The following POR variants were observed in gnomAD, a reference collection of about 807,000 sequenced individuals.
The protein encoded by POR is cytochrome p450 oxidoreductase, also known as NADPH--cytochrome P450 reductase.
Under a neutral mutation model 84.0 loss-of-function variants are expected in POR, and 56 were observed. The observed-to-expected ratio is 0.67, with a 90% CI of 0.54 to 0.83. The LOEUF (loss-of-function observed/expected upper bound fraction) is 0.83. Ranked by LOEUF, POR falls within the 40% of genes least tolerant of loss-of-function variation. The probability of loss-of-function intolerance (pLI) is 0.00; values close to 1 mark genes in which losing one functional copy is unlikely to be tolerated. For synonymous variants in POR, 414 were observed against 400.5 expected (o/e 1.03, Z -0.40); for missense variants, 938 against 944.3 (o/e 0.99, Z 0.09).
chr7:75,937,455 G>T (rs2116318143), intron 1 of POR, among the ~76,000 whole-genome samples: 1 of 107,424 alleles, frequency 9.3e-6, no homozygotes, highest in East Asian at 3.2e-4. Flanking sequence ...CTGGGGACAA[G>T]AGCCAGACCC....
At chr7:75,917,380 C>CTTTTTTTTTTTTTTTTTTTTTTT (rs199962786) in intron 1 of POR, among the ~76,000 whole-genome samples, 1 of 125,986 alleles carries the variant, frequency 7.9e-6, no homozygotes, top group Non-Finnish European at 1.6e-5. Flanking sequence ...CTTATTTCTT[C>CTTTTTTTTTTTTTTTTTTTTTTT]TTCTTTTTTT....
chr7:75,976,683 G>A (rs1788709415), intron 3 of POR, among the ~76,000 whole-genome samples: 1 of 151,370 alleles, frequency 6.6e-6, no homozygotes, highest in African/African-American at 2.4e-5. Flanking sequence ...GGAGGCAGAG[G>A]TTTCAGTGAG....
intron 1 of POR, among the ~76,000 whole-genome samples, chr7:75,928,349 C>T (rs1807251018): frequency 6.6e-6 from 1 of 152,192 alleles, no homozygotes; most frequent in African/African-American, 2.4e-5. Context: ...GCCTCCAGTT[C>T]CCTGTCATCT....
rs782378740 is a variant in POR at position 75,986,754 on chromosome 7, T to C, written c.*273T>C. ...CTCGGTGGCTGCACAGAAGGGCTCT[T>C]TCTCTCTGCTGAGCTGGGCCCAGCC... On this transcript the variant is annotated 3_prime_UTR_variant, in exon 16 of 16. Transcript: ENST00000461988. 158 of 580,012 alleles carry C rather than the reference T, an allele frequency of 2.7e-4. No individual in the cohort carries two copies. Among genetic ancestry groups the C allele is most frequent in the Middle Eastern group, 2.3e-3 (5 of 2,190 alleles). The allele number at this position is 580,012 out of a possible 1,614,324, so 35.9% of individuals were successfully genotyped here.
chr7:75,936,362 C>T (rs1554550825), intron 1 of POR, among the ~76,000 whole-genome samples: 1 of 151,678 alleles, frequency 6.6e-6, no homozygotes, highest in Non-Finnish European at 1.5e-5. Flanking sequence ...CCAGCCTCGG[C>T]CTCCCAAAGT....
In POR at chr7:75,983,485, C is replaced by T. The variant is rs41301394; in HGVS notation, c.831-35C>T. The T allele has an allele frequency of 0.29, 426,712 of 1,482,570 alleles. 64,592 individuals are homozygous for T. The highest frequency in any genetic ancestry group is 0.4 in the East Asian group (17,504 of 44,106). The allele number at this position is 1,482,570 out of a possible 1,614,324, so 91.8% of individuals were successfully genotyped here. A position where few individuals can be genotyped will look rare whatever the true frequency, so the allele number is the denominator to read the frequency against. Reference sequence around the variant, plus strand: ...GAGACGGAGACTCAGATCAAAGCCCCGGCCGCTCACTGTGCTTCTCTCCTC... The same window carrying T: ...GAGACGGAGACTCAGATCAAAGCCCTGGCCGCTCACTGTGCTTCTCTCCTC... On this transcript the variant is annotated intron_variant, in intron 8 of 15. Transcript: ENST00000461988.
chr7:75,963,508 G>A (rs571202640), intron 2 of POR, among the ~76,000 whole-genome samples: 1 of 152,352 alleles, frequency 6.6e-6, no homozygotes, highest in East Asian at 1.9e-4. Flanking sequence ...GTCGGGAACT[G>A]TCGGGTACTG....
At position 75,917,240 on chromosome 7, in the gene POR, T is replaced by G. The variant is rs557709847; in HGVS notation, c.-5+2061T>G. On this transcript the variant is annotated intron_variant, in intron 1 of 15. Coordinates refer to ENST00000461988, the MANE Select transcript of POR (RefSeq NM_000941.3). ...GCACCACCACACCCAGCTAATTTTTTAAATGTTTTTTAGAGATTTGGTTTG... is the reference window on the plus strand; with the variant it reads ...GCACCACCACACCCAGCTAATTTTTGAAATGTTTTTTAGAGATTTGGTTTG... Among the ~76,000 whole-genome samples the G allele has an allele frequency of 2.0e-5, 3 of 152,064 alleles. No individual in the cohort carries two copies. The South Asian group carries it at 6.2e-4, about 32-fold the overall frequency.
intron 1 of POR, among the ~76,000 whole-genome samples, chr7:75,951,219 AC>A (rs1787407335): frequency 6.6e-6 from 1 of 151,798 alleles, no homozygotes; most frequent in Admixed American, 6.6e-5. Context: ...ACATGGTGAA[AC>A]CCCGTCTCTA....
intron 1 of POR, among the ~76,000 whole-genome samples, chr7:75,948,703 GTTTA>G (rs1461736831): frequency 1.4e-4 from 22 of 152,276 alleles, no homozygotes; most frequent in African/African-American, 4.6e-4. Context: ...CTATTCACAT[GTTTA>G]TTTATTCAAC....
chr7:75,964,396 C>T (rs1477914065), intron 2 of POR, among the ~76,000 whole-genome samples: 1 of 152,164 alleles, frequency 6.6e-6, no homozygotes, highest in African/African-American at 2.4e-5. Context: ...CCACCTCCGC[C>T]TCCCGGCTTC....
chr7:75,923,900 AAAAG>A (rs1806990708), intron 1 of POR, among the ~76,000 whole-genome samples: 3 of 151,846 alleles, frequency 2.0e-5, no homozygotes, highest in African/African-American at 4.8e-5. Flanking sequence ...AAAAAAAAAA[AAAAG>A]AAAAGAAAAG....
Position 75,981,528 on chromosome 7 carries a change from A to G in POR, c.653A>G (p.Asp218Gly). 1 of 1,612,514 alleles carries G rather than the reference A, an allele frequency of 6.2e-7. No homozygotes were observed. Among genetic ancestry groups the G allele is most frequent in the Non-Finnish European group, 8.5e-7 (1 of 1,179,584 alleles). The change falls in exon 7 of 16, where the codon GAC becomes GGC. Residue 218 changes from aspartate (D) to glycine (G), a missense_variant. By Grantham distance (94) the Asp-to-Gly change is moderately conservative. Transcript: ENST00000461988. ...TCTCCTCGGCCCAGCTTGGAGGAGG[A>G]CTTCATCACCTGGCGAGAGCAGTTC...
intron 1 of POR, among the ~76,000 whole-genome samples, chr7:75,951,020 C>A (rs112061474): frequency 0.04 from 5,569 of 140,542 alleles, 399 homozygotes; most frequent in African/African-American, 0.14. Context: ...GATCGCACCA[C>A]TGCACTCCAG....
chr7:75,986,090 G>A lies in POR; in HGVS notation c.1815+22G>A, dbSNP rs548427385. 5.5e-5 allele frequency: 87 copies of A among 1,571,002 alleles called. 1 individual carries two copies. The South Asian group carries it at 6.3e-4, about 11-fold the overall frequency. On this transcript the variant is annotated intron_variant, in intron 14 of 15. Coordinates refer to ENST00000461988, the MANE Select transcript of POR (RefSeq NM_000941.3). The stretch of plus-strand genomic sequence containing the variant: ...CAAGGTGAGACGGGCGGGCACCCAC[G>A]AAGGTGGGCATGAGGCTGGCAGGGC...
chr7:75,970,703 C>G (rs1357638587), intron 2 of POR, among the ~76,000 whole-genome samples: 1 of 150,224 alleles, frequency 6.7e-6, no homozygotes, highest in African/African-American at 2.4e-5. Flanking sequence ...GAGCCAAGAT[C>G]GTGCCACTGC....
At chr7:75,983,951 A>T in intron 10 of POR, 95 bp downstream of exon 10, 1 of 990,374 alleles carries the variant, frequency 1.0e-6, no homozygotes, top group Non-Finnish European at 1.5e-6. Flanking sequence ...TTAGGCCTGA[A>T]GCCCCGGTGC....
chr7:75,969,018 C>T lies in POR; in HGVS notation c.189-3395C>T, dbSNP rs548588759. Among the ~76,000 whole-genome samples the T allele has an allele frequency of 6.0e-4, 92 of 152,340 alleles. 1 individual carries two copies. Among genetic ancestry groups the T allele is most frequent in the South Asian group, 2.3e-3 (11 of 4,830 alleles). ...CTATTCCTGAGAAGACAGCCCAGCTCGTCCAAGAGGCCTTTCCCGGTTTCT... is the reference window on the plus strand; with the variant it reads ...CTATTCCTGAGAAGACAGCCCAGCTTGTCCAAGAGGCCTTTCCCGGTTTCT... On this transcript the variant is annotated intron_variant, in intron 2 of 15. Coordinates refer to ENST00000461988, the MANE Select transcript of POR (RefSeq NM_000941.3).
intron 2 of POR, among the ~76,000 whole-genome samples, chr7:75,972,183 G>A (rs1788473489): frequency 6.6e-6 from 1 of 152,160 alleles, no homozygotes; most frequent in Admixed American, 6.5e-5. Context: ...TTTACTGTAG[G>A]GGAAATGGGA....
Sources: gnomAD v4.1 joint callset for allele counts (sites outside exome capture counted in the v4.1 genomes callset) on GRCh38, gnomAD v4.1.1 for gene constraint, MANE v1.5 for transcripts, NCBI Gene and HGNC (gene_info 2026-07-23, HGNC 2026-07-21) for gene names.